The following TPM1 variants were observed in gnomAD, a reference collection of about 807,000 sequenced individuals.
TPM1 encodes tropomyosin 1, also known as tropomyosin alpha-1 chain.
Under a neutral mutation model 42.9 loss-of-function variants are expected in TPM1, and 24 were observed. The observed-to-expected ratio is 0.56, with a 90% CI of 0.41 to 0.79. The LOEUF is 0.79. TPM1 is among the 30% of genes least tolerant of loss of function. The pLI is 0.00. For missense variants in TPM1, 158 were observed against 351.8 expected, an observed-to-expected ratio of 0.45 and a Z score of 4.41; for synonymous variants, 136 against 130.1, an observed-to-expected ratio of 1.05 and a Z score of -0.31.
intron 2 of TPM1, chr15:63,044,377 G>T (rs1050683084): frequency 2.9e-6 from 2 of 697,764 alleles, no homozygotes; most frequent in Non-Finnish European, 4.9e-6. Context: ...TACCTCCCTG[G>T]GGGTGGAGGT....
downstream of TPM1, among the ~76,000 whole-genome samples, chr15:63,067,136 T>A (rs1192482397): frequency 6.6e-6 from 1 of 152,226 alleles, no homozygotes; most frequent in Admixed American, 6.5e-5. Flanking sequence ...TCTGCATGTT[T>A]TGTATATAGT....
In TPM1 at chr15:63,065,889, C is replaced by G. The variant is rs370475599; in HGVS notation, c.852-7C>G. ...TTTTTTCCTCCCACCTTTTTATCTT[C>G]ACGCAGATAAGTTTCTTTGCTTCAC... On this transcript the variant is annotated splice_polypyrimidine_tract_variant and splice_region_variant and intron_variant, in intron 9 of 9. Coordinates refer to ENST00000403994, the MANE Select transcript of TPM1 (RefSeq NM_001018005.2). 15 of 1,583,670 alleles carry G rather than the reference C, an allele frequency of 9.5e-6. No homozygotes were observed. The highest frequency in any genetic ancestry group is 1.3e-5 in the Non-Finnish European group (15 of 1,165,522).
In TPM1 at chr15:63,062,882, C is replaced by A. The variant is rs2035840622; in HGVS notation, c.772+237C>A. 2.4e-5 allele frequency: 36 copies of A among 1,506,688 alleles called. 1 individual carries two copies. The South Asian group carries it at 3.3e-4, about 14-fold the overall frequency. 93.3% of individuals were successfully genotyped at this position (1,506,688 alleles called of 1,614,324 possible). ...TGGCAAATGCCATCCAGCTTGACTT[C>A]ATGCTCATTACAAGTGTGGCAGGTT... On this transcript the variant is annotated intron_variant, in intron 8 of 9. Transcript: ENST00000403994.
chr15:63,053,685 T>TG (rs961579532), intron 2 of TPM1, among the ~76,000 whole-genome samples: 2 of 78,306 alleles, frequency 2.6e-5, no homozygotes, highest in African/African-American at 9.6e-5. Context: ...TTTTTTTTTT[T>TG]TTTTTTTGTT....
At chr15:63,047,838 A>T (rs2032728318) in intron 2 of TPM1, 1 of 194,336 alleles carries the variant, frequency 5.1e-6, no homozygotes. Flanking sequence ...TATTATTCCC[A>T]CTTTTACAGA....
At position 63,044,106 on chromosome 15, in the gene TPM1, A is replaced by G; in HGVS notation, c.194A>G (p.Lys65Arg). Reference sequence around the variant, plus strand: ...CTGGACAAATACTCTGAGGCTCTCAAAGATGCCCAGGAGAAGCTGGAGCTG... The same window carrying G: ...CTGGACAAATACTCTGAGGCTCTCAGAGATGCCCAGGAGAAGCTGGAGCTG... Reference protein sequence around the residue: ...DELDKYSEALKDAQEKLELAE... With the variant: ...DELDKYSEALRDAQEKLELAE... The change falls in exon 2 of 10, where the codon AAA becomes AGA. Residue 65 changes from lysine (K) to arginine (R), a missense_variant. Lys to Arg is a conservative substitution (Grantham distance 26). This residue lies in a region of TPM1 where 65 missense variants were observed against 208.8 expected (regional missense o/e 0.31). Transcript: ENST00000403994. 1 of 1,614,196 alleles carries G rather than the reference A, an allele frequency of 6.2e-7. No homozygotes were observed.
At position 63,060,610 on chromosome 15, in the gene TPM1, C is replaced by T. The variant is rs546702569; in HGVS notation, c.493-259C>T. On this transcript the variant is annotated intron_variant, in intron 4 of 9. Coordinates refer to ENST00000403994, the MANE Select transcript of TPM1 (RefSeq NM_001018005.2). The stretch of plus-strand genomic sequence containing the variant: ...TCCTTCCACATTTTGGTCTGGCTGC[C>T]GGTTCACCTAGGTCAGACTTCCAAT... 7.2e-5 allele frequency among the ~76,000 whole-genome samples: 11 copies of T among 152,300 alleles called. No individual in the cohort carries two copies. In the East Asian group the frequency reaches 1.9e-3, roughly 27 times the overall value.
At chr15:63,056,551 CAACTA>C (rs762376839) in intron 2 of TPM1, 27,598 of 229,130 alleles carry the variant, frequency 0.12, 2,011 homozygotes, top group Admixed American at 0.25. Context: ...CCTGTAGTCC[CAACTA>C]CTCGGGAGGC....
At chr15:63,050,164 C>A (rs993960858) in intron 2 of TPM1, among the ~76,000 whole-genome samples, 10 of 152,254 alleles carry the variant, frequency 6.6e-5, no homozygotes, top group African/African-American at 2.4e-4. Flanking sequence ...TGCCCGCTGT[C>A]ATTAAAACTG....
At chr15:63,050,165 A>G (rs1026385837) in intron 2 of TPM1, among the ~76,000 whole-genome samples, 1 of 152,240 alleles carries the variant, frequency 6.6e-6, no homozygotes, top group African/African-American at 2.4e-5. Context: ...GCCCGCTGTC[A>G]TTAAAACTGC....
intron 8 of TPM1, 169 bp from the exon 9 acceptor site, chr15:63,063,895 C>T: frequency 1.2e-6 from 1 of 840,878 alleles, no homozygotes; most frequent in Non-Finnish European, 1.8e-6. Context: ...TTACTTAAAA[C>T]AAAACGCACG....
chr15:63,043,856 T>C (rs2031787110), intron 1 of TPM1, 171 bp from the exon 2 acceptor site: 5 of 1,549,132 alleles, frequency 3.2e-6, no homozygotes, highest in Non-Finnish European at 4.4e-6. Flanking sequence ...CGGCACGGCG[T>C]GGCGCACGAA....
chr15:63,068,442 A>G (rs972992745), downstream of TPM1, among the ~76,000 whole-genome samples: 1 of 152,192 alleles, frequency 6.6e-6, no homozygotes. Flanking sequence ...AAGCGAGAAA[A>G]CATAACGAGC....
Position 63,065,942 on chromosome 15 carries a change from G to T in TPM1, c.*43G>T. On this transcript the variant is annotated 3_prime_UTR_variant, in exon 10 of 10. Coordinates refer to ENST00000403994, the MANE Select transcript of TPM1 (RefSeq NM_001018005.2). ...CTCCCAAGACTCCCTCGTCGAGCTG[G>T]ATGTCCCACCTCTCTGAGCTCTGCA... 1 of 1,607,256 alleles carries T rather than the reference G, an allele frequency of 6.2e-7. No homozygotes were observed.
intron 9 of TPM1, 49 bp from the exon 10 acceptor site, chr15:63,065,847 T>TC: frequency 3.8e-6 from 6 of 1,562,082 alleles, no homozygotes; most frequent in African/African-American, 1.4e-5. Context: ...TTTTTTTTTT[T>TC]CTCATTGTGC....
At position 63,048,483 on chromosome 15, in the gene TPM1, CT is replaced by C. The variant is rs146654937; in HGVS notation, c.240+4332del. ...GAGGCCTGGGCGGGGCGGACCGGCG[CT>C]GGGCAGCCAGGACAGCCGCGGCAGC... On this transcript the variant is annotated intron_variant, in intron 2 of 9. Transcript: ENST00000403994. 2,573 of 1,428,202 alleles carry C rather than the reference CT, an allele frequency of 1.8e-3. 32 individuals carry two copies. In the African/African-American group the frequency reaches 0.032, roughly 18 times the overall value. 88.5% of individuals were successfully genotyped at this position (1,428,202 alleles called of 1,614,324 possible).
intron 2 of TPM1, among the ~76,000 whole-genome samples, chr15:63,052,387 G>A (rs544884134): frequency 6.6e-6 from 1 of 152,194 alleles, no homozygotes. Flanking sequence ...GCCGAGCATG[G>A]TGTCACGTGC....
At chr15:63,070,234 G>A (rs2036529152), downstream of TPM1, 2 of 1,180,806 alleles carry the variant, frequency 1.7e-6, no homozygotes, top group African/African-American at 1.6e-5. Context: ...ATAATGAGGA[G>A]CCCCCCCAAA....
intron 2 of TPM1, chr15:63,055,657 T>G (rs1049593101): frequency 2.0e-5 from 3 of 152,216 alleles, no homozygotes; most frequent in Admixed American, 1.3e-4. Flanking sequence ...CCTATTACCA[T>G]GGGTCCCTAA....
Sources: allele counts gnomAD v4.1 joint callset (sites outside exome capture counted in the v4.1 genomes callset), GRCh38; gene constraint gnomAD v4.1.1; regional missense constraint gnomAD v4.1.1; transcripts MANE v1.5; gene names NCBI Gene and HGNC (gene_info 2026-07-23, HGNC 2026-07-21).